Variants in GALNT13 observed in about 807,000 individuals in gnomAD.
The protein encoded by GALNT13 is polypeptide N-acetylgalactosaminyltransferase 13, also known as UDP-GalNAc:polypeptide N-acetylgalactosaminyltransferase 13.
GALNT13 carries 28 observed loss-of-function variants against 64.2 expected under a neutral mutation model. The ratio of observed to expected loss-of-function variants is 0.44; its 90% confidence interval spans 0.32 to 0.60. The LOEUF (loss-of-function observed/expected upper bound fraction) is 0.60. GALNT13 is among the 20% of genes least tolerant of loss of function. The probability of loss-of-function intolerance (pLI) is 0.05; values close to 1 mark genes in which losing one functional copy is unlikely to be tolerated. For missense variants in GALNT13, 577 were observed against 669.8 expected (o/e 0.86, Z 1.53); for synonymous variants, 214 against 224.6 (o/e 0.95, Z 0.42).
chr2:154,201,639 A>G (rs187606090), intron 4 of GALNT13, among the ~76,000 whole-genome samples: 163 of 152,286 alleles, frequency 1.1e-3, no homozygotes, highest in African/African-American at 3.2e-3. Context: ...TTTAGATCAC[A>G]TTTTTTAAAA....
At chr2:154,368,177 T>C (rs151232045) in intron 9 of GALNT13, among the ~76,000 whole-genome samples, 2 of 152,190 alleles carry the variant, frequency 1.3e-5, no homozygotes, top group East Asian at 3.9e-4. Flanking sequence ...AAAAATTCTC[T>C]GGCTCTGATG....
chr2:153,350,637 C>T, the GALNT13 span, among the ~76,000 whole-genome samples: 5 of 152,136 alleles, frequency 3.3e-5, no homozygotes, highest in East Asian at 9.7e-4. Context: ...CCCGCCTCAG[C>T]TTCCCAAAGT....
chr2:153,792,058 CTAAAA>C, the GALNT13 span, among the ~76,000 whole-genome samples: 6 of 152,028 alleles, frequency 3.9e-5, no homozygotes, highest in Admixed American at 3.9e-4. Flanking sequence ...ACCCCTAAAC[CTAAAA>C]TAAAAGTTAA....
chr2:154,055,560 T>TA (rs1396284055), intron 3 of GALNT13, among the ~76,000 whole-genome samples: 2 of 152,076 alleles, frequency 1.3e-5, no homozygotes, highest in Non-Finnish European at 2.9e-5. Context: ...TGGGAGTGAC[T>TA]AATTGGAGAA....
intron 8 of GALNT13, among the ~76,000 whole-genome samples, chr2:154,289,839 A>G (rs1201298726): frequency 6.6e-6 from 1 of 152,212 alleles, no homozygotes; most frequent in African/African-American, 2.4e-5. Flanking sequence ...CTGAGAGCCA[A>G]AGTTTGTCCC....
At chr2:154,297,283 T>G (rs1311392850) in intron 8 of GALNT13, among the ~76,000 whole-genome samples, 2 of 152,168 alleles carry the variant, frequency 1.3e-5, no homozygotes, top group Non-Finnish European at 2.9e-5. Flanking sequence ...AAGAGTCTGT[T>G]GAATTGACAG....
chr2:153,757,993 T>C, the GALNT13 span, among the ~76,000 whole-genome samples: 1 of 152,306 alleles, frequency 6.6e-6, no homozygotes, highest in Non-Finnish European at 1.5e-5. Context: ...TGTGATATAA[T>C]CCTATTTCTC....
At chr2:153,584,304 C>T in the GALNT13 span, among the ~76,000 whole-genome samples, 2 of 152,282 alleles carry the variant, frequency 1.3e-5, no homozygotes, top group South Asian at 2.1e-4. Context: ...TGCTCCCCTC[C>T]AAGACACAGC....
At chr2:153,969,755 A>G (rs1334525961) in intron 3 of GALNT13, among the ~76,000 whole-genome samples, 1 of 152,100 alleles carries the variant, frequency 6.6e-6, no homozygotes, top group East Asian at 1.9e-4. Flanking sequence ...CTCATTCATA[A>G]CTATCATTAT....
chr2:153,207,245 G>A, the GALNT13 span, among the ~76,000 whole-genome samples: 1 of 152,088 alleles, frequency 6.6e-6, no homozygotes, highest in African/African-American at 2.4e-5. Context: ...GGATTATGCT[G>A]ATTGTCTTTC....
intron 11 of GALNT13, among the ~76,000 whole-genome samples, chr2:154,431,121 C>T (rs894199071): frequency 2.6e-5 from 4 of 152,144 alleles, no homozygotes; most frequent in African/African-American, 9.6e-5. Flanking sequence ...CATGTACATA[C>T]ATACACACTC....
chr2:153,320,543 T>G, the GALNT13 span, among the ~76,000 whole-genome samples: 1 of 152,216 alleles, frequency 6.6e-6, no homozygotes, highest in Non-Finnish European at 1.5e-5. Flanking sequence ...ACATTACTTC[T>G]TTGGCTTATG....
chr2:154,351,744 C>G (rs180994014), intron 9 of GALNT13, among the ~76,000 whole-genome samples: 6 of 129,396 alleles, frequency 4.6e-5, no homozygotes, highest in African/African-American at 1.4e-4. Flanking sequence ...TTTATGAGAT[C>G]ACTCTGTCAC....
chr2:153,899,844 T>G (rs1303963367), intron 1 of GALNT13, among the ~76,000 whole-genome samples: 11 of 151,616 alleles, frequency 7.3e-5, no homozygotes, highest in Admixed American at 2.6e-4. Context: ...TAAGGGGATT[T>G]TTATTTATAT....
chr2:154,108,809 G>T (rs1448903283), intron 3 of GALNT13, among the ~76,000 whole-genome samples: 1 of 151,938 alleles, frequency 6.6e-6, no homozygotes, highest in Non-Finnish European at 1.5e-5. Context: ...TCTGCATGTG[G>T]ATATTCAGCT....
intron 2 of GALNT13, among the ~76,000 whole-genome samples, chr2:153,935,743 T>C (rs1201184413): frequency 6.6e-6 from 1 of 152,182 alleles, no homozygotes; most frequent in East Asian, 1.9e-4. Context: ...GCTACTTCAC[T>C]CAGGCAGGCC....
chr2:154,348,245 C>T (rs1187764845), intron 9 of GALNT13, among the ~76,000 whole-genome samples: 1 of 152,116 alleles, frequency 6.6e-6, no homozygotes, highest in Admixed American at 6.5e-5. Flanking sequence ...CTACTGTATA[C>T]GGTGTCATAC....
At chr2:154,173,970 C>T (rs1278530899) in intron 4 of GALNT13, among the ~76,000 whole-genome samples, 2 of 151,928 alleles carry the variant, frequency 1.3e-5, no homozygotes, top group African/African-American at 2.4e-5. Context: ...CCACTGTAGA[C>T]GATAGTATGG....
chr2:154,454,952 G>A (rs1050384946), downstream of GALNT13, among the ~76,000 whole-genome samples: 136 of 152,228 alleles, frequency 8.9e-4, 3 homozygotes, highest in Non-Finnish European at 4.4e-5. Flanking sequence ...ACCTATTACT[G>A]TGAAGATTAG....
Sources: allele counts gnomAD v4.1 joint callset (sites outside exome capture counted in the v4.1 genomes callset), GRCh38; gene constraint gnomAD v4.1.1; transcripts MANE v1.5; gene names NCBI Gene and HGNC (gene_info 2026-07-23, HGNC 2026-07-21).